Variants in IQUB observed in about 807,000 individuals in gnomAD.
IQUB encodes IQ motif and ubiquitin domain containing, also known as IQ motif and ubiquitin-like domain-containing protein.
Under a neutral mutation model 86.4 loss-of-function variants are expected in IQUB, and 86 were observed. That is an observed-to-expected ratio of 1.00 (90% CI 0.84 to 1.19). IQUB has a LOEUF of 1.19. Among genes scored for constraint, IQUB ranks in the 50% most tolerant of loss-of-function variants. The pLI is 0.00. For synonymous variants in IQUB, 289 were observed against 304.5 expected (o/e 0.95, Z 0.53); for missense variants, 946 against 916.9 (o/e 1.03, Z -0.41).
rs148277232 is a variant in IQUB, at chr7:123,470,178, CTG to C, written c.1411-796_1411-795del. Among the ~76,000 whole-genome samples, 1,322 of 152,318 alleles carry C rather than the reference CTG, an allele frequency of 8.7e-3. 19 individuals carry two copies. The highest frequency in any genetic ancestry group is 0.03 in the African/African-American group (1,259 of 41,572). ...AGGATAATCTTTAATGATGATACCT[CTG>C]TGTTTGCCACTGCTTCTGTTCCCTC... On this transcript the variant is annotated intron_variant, in intron 8 of 12. Transcript: ENST00000324698.
chr7:123,503,051 C>T lies in IQUB; in HGVS notation c.760G>A (p.Gly254Ser). ...VKSDFHKPFL[G>S]GFRHKVTGVE... ...CCTGTTACTTTATGTCTGAATCCAC[C>T]AAGAAATGGTTTGTGAAAGTCAGAT... Residue 254 changes from glycine to serine, a missense_variant, in exon 5 of 13, where the codon GGT (glycine) becomes AGT (serine). Gly to Ser is a moderately conservative substitution (Grantham distance 56). Transcript: ENST00000324698. 1.2e-6 allele frequency: 2 copies of T among 1,613,286 alleles called. No individual in the cohort carries two copies. The highest frequency in any genetic ancestry group is 1.7e-6 in the Non-Finnish European group (2 of 1,179,590).
chr7:123,525,470 T>A (rs1797150739), intron 1 of IQUB, among the ~76,000 whole-genome samples: 1 of 152,192 alleles, frequency 6.6e-6, no homozygotes, highest in Non-Finnish European at 1.5e-5. Flanking sequence ...TTCTTCTAGA[T>A]TTTCTAGTTT....
chr7:123,494,587 TTCC>T lies in IQUB; in HGVS notation c.1234+2106_1234+2108del, dbSNP rs750775247. Among the ~76,000 whole-genome samples, 6 of 152,284 alleles carry T rather than the reference TTCC, an allele frequency of 3.9e-5. No homozygotes were observed. In the East Asian group the frequency reaches 5.8e-4, roughly 15 times the overall value. On this transcript the variant is annotated intron_variant, in intron 7 of 12. Coordinates refer to ENST00000324698, the MANE Select transcript of IQUB (RefSeq NM_178827.5). ...TATAAGAAACTTCATGGATTTCATT[TTCC>T]TCCATATATAAATCATATGTGGACT... is the stretch of plus-strand genomic sequence containing the variant.
intron 8 of IQUB, among the ~76,000 whole-genome samples, chr7:123,474,736 T>C (rs1404127837): frequency 6.6e-6 from 1 of 152,200 alleles, no homozygotes; most frequent in Non-Finnish European, 1.5e-5. Context: ...ATCCATATTG[T>C]GGTGTGTTCT....
intron 3 of IQUB, among the ~76,000 whole-genome samples, chr7:123,508,677 A>T (rs1796294372): frequency 6.6e-6 from 1 of 152,220 alleles, no homozygotes. Flanking sequence ...GTGCTCTCTC[A>T]TCCAGTTTTG....
chr7:123,527,118 G>C (rs941608574), intron 1 of IQUB, among the ~76,000 whole-genome samples: 1 of 152,084 alleles, frequency 6.6e-6, no homozygotes, highest in Non-Finnish European at 1.5e-5. Context: ...GGCTCCTGAG[G>C]CTTCTGCATT....
intron 1 of IQUB, among the ~76,000 whole-genome samples, chr7:123,512,728 A>T (rs1178053624): frequency 6.6e-6 from 1 of 152,184 alleles, no homozygotes; most frequent in Non-Finnish European, 1.5e-5. Flanking sequence ...GCTCCAAGGA[A>T]CCAGCCAGCT....
intron 6 of IQUB, among the ~76,000 whole-genome samples, chr7:123,497,202 T>C (rs1795744767): frequency 6.6e-6 from 1 of 152,126 alleles, no homozygotes; most frequent in African/African-American, 2.4e-5. Flanking sequence ...TACTCACTAG[T>C]TGTTTGATTG....
intron 1 of IQUB, among the ~76,000 whole-genome samples, chr7:123,525,608 C>G (rs1797162970): frequency 1.3e-5 from 2 of 152,032 alleles, no homozygotes; most frequent in Non-Finnish European, 2.9e-5. Flanking sequence ...CTTTATTCGT[C>G]TTGCTAGCGG....
chr7:123,510,050 G>A lies in IQUB; in HGVS notation c.398-15C>T, dbSNP rs1584628880. 1 of 1,496,960 alleles carries A rather than the reference G, an allele frequency of 6.7e-7. No homozygotes were observed. Among genetic ancestry groups the A allele is most frequent in the Non-Finnish European group, 9.1e-7 (1 of 1,094,004 alleles). The allele number at this position is 1,496,960 out of a possible 1,614,324, so 92.7% of individuals were successfully genotyped here. A position where few individuals can be genotyped will look rare whatever the true frequency, so the allele number is the denominator to read the frequency against. ...TACAACTTTTACTGTAAATTAAATA[G>A]AAAAGAAAGAATTATAGTCAAATAT... On this transcript the variant is annotated splice_polypyrimidine_tract_variant and intron_variant, in intron 2 of 12. Coordinates refer to ENST00000324698, the MANE Select transcript of IQUB (RefSeq NM_178827.5).
intron 6 of IQUB, chr7:123,502,112 G>A (rs901376129): frequency 1.3e-5 from 2 of 153,782 alleles, no homozygotes; most frequent in African/African-American, 2.4e-5. Context: ...CTGCTTTCAG[G>A]TCATTTTTAC....
intron 1 of IQUB, chr7:123,532,967 G>C (rs1797612088): frequency 1.3e-5 from 2 of 152,518 alleles, no homozygotes; most frequent in Non-Finnish European, 2.9e-5. Context: ...GGCGGGTCAG[G>C]AGGTGACGGG....
At chr7:123,490,888 C>T (rs1159602929) in intron 7 of IQUB, among the ~76,000 whole-genome samples, 17 of 151,566 alleles carry the variant, frequency 1.1e-4, no homozygotes, top group African/African-American at 4.1e-4. Flanking sequence ...CGCTTGAACC[C>T]GGGAGTCAGA....
At chr7:123,533,738 CG>C (rs762328903) in intron 1 of IQUB, among the ~76,000 whole-genome samples, 15 of 152,108 alleles carry the variant, frequency 9.9e-5, no homozygotes, top group Non-Finnish European at 1.9e-4. Flanking sequence ...TACATATTTG[CG>C]TATGTCTAAA....
At chr7:123,472,862 T>C in intron 8 of IQUB, among the ~76,000 whole-genome samples, 1 of 152,228 alleles carries the variant, frequency 6.6e-6, no homozygotes, top group Admixed American at 6.5e-5. Flanking sequence ...TTTGAAAGCT[T>C]TGGCTGTGAT....
At chr7:123,506,249 T>G (rs1288464405) in intron 3 of IQUB, among the ~76,000 whole-genome samples, 2 of 152,144 alleles carry the variant, frequency 1.3e-5, no homozygotes, top group Non-Finnish European at 2.9e-5. Context: ...CTCCAAACTT[T>G]CCCTCATCTT....
At chr7:123,524,384 C>A (rs1270152085) in intron 1 of IQUB, among the ~76,000 whole-genome samples, 1 of 150,386 alleles carries the variant, frequency 6.6e-6, no homozygotes, top group Non-Finnish European at 1.5e-5. Context: ...TTTCCTTGAG[C>A]AGTGGTTTGT....
At chr7:123,506,527 G>T (rs2117228262) in intron 3 of IQUB, among the ~76,000 whole-genome samples, 1 of 152,258 alleles carries the variant, frequency 6.6e-6, no homozygotes. Context: ...GGTGAAGAAG[G>T]AGGCACGTTT....
chr7:123,528,029 T>C (rs1797339681), intron 1 of IQUB, among the ~76,000 whole-genome samples: 1 of 152,246 alleles, frequency 6.6e-6, no homozygotes, highest in Non-Finnish European at 1.5e-5. Flanking sequence ...CCGCCGTTTT[T>C]TAAGCCTGTC....
Sources: gnomAD v4.1 joint callset for allele counts (sites outside exome capture counted in the v4.1 genomes callset) on GRCh38, gnomAD v4.1.1 for gene constraint, MANE v1.5 for transcripts, NCBI Gene and HGNC (gene_info 2026-07-23, HGNC 2026-07-21) for gene names.